Variants in SPATA17 observed in about 807,000 individuals in gnomAD.
SPATA17 encodes spermatogenesis associated 17.
A neutral mutation model predicts 62.2 loss-of-function variants in SPATA17; 53 were observed. The ratio of observed to expected loss-of-function variants is 0.85; its 90% CI spans 0.68 to 1.07. The LOEUF (loss-of-function observed/expected upper bound fraction) is 1.07. Ranked by LOEUF, SPATA17 falls within the 50% of genes least tolerant of loss-of-function variation. The pLI, the probability that SPATA17 is intolerant of heterozygous loss-of-function variation, is 0.00. For synonymous variants in SPATA17, 146 were observed against 146.8 expected, an observed-to-expected ratio of 0.99 and a Z score of 0.04; for missense variants, 466 against 425.5, an observed-to-expected ratio of 1.10 and a Z score of -0.84.
At chr1:217,827,165 C>G (rs575034801) in intron 9 of SPATA17, among the ~76,000 whole-genome samples, 7 of 151,942 alleles carry the variant, frequency 4.6e-5, no homozygotes, top group African/African-American at 1.7e-4. Context: ...GATTAATTTG[C>G]CCTTTATTAA....
chr1:217,642,893 G>A (rs1670097340), intron 1 of SPATA17, among the ~76,000 whole-genome samples: 1 of 152,206 alleles, frequency 6.6e-6, no homozygotes, highest in South Asian at 2.1e-4. Context: ...GTGTGAAAAC[G>A]GATGAATAAC....
intron 4 of SPATA17, among the ~76,000 whole-genome samples, chr1:217,671,693 G>A (rs1670835214): frequency 6.6e-6 from 1 of 152,098 alleles, no homozygotes; most frequent in Non-Finnish European, 1.5e-5. Flanking sequence ...TGGGAGAGAA[G>A]CATAGGGGTG....
intron 3 of SPATA17, among the ~76,000 whole-genome samples, chr1:217,661,597 T>G (rs889501790): frequency 6.6e-6 from 1 of 152,138 alleles, no homozygotes; most frequent in Admixed American, 6.5e-5. Flanking sequence ...ATGACTGTTG[T>G]TTTTGTTTTT....
intron 1 of SPATA17, among the ~76,000 whole-genome samples, chr1:217,631,970 G>A (rs1016449502): frequency 6.6e-6 from 1 of 152,102 alleles, no homozygotes; most frequent in East Asian, 1.9e-4. Context: ...ATCACCTGAG[G>A]CCAGGAGTTC....
At chr1:217,694,481 A>G (rs1414564579) in intron 5 of SPATA17, among the ~76,000 whole-genome samples, 5 of 138,940 alleles carry the variant, frequency 3.6e-5, no homozygotes, top group Non-Finnish European at 6.2e-5. Flanking sequence ...TGGAGAATTT[A>G]GTCCATTTAC....
chr1:217,842,465 C>A (rs900683747), intron 9 of SPATA17, among the ~76,000 whole-genome samples: 2 of 151,758 alleles, frequency 1.3e-5, no homozygotes, highest in African/African-American at 2.4e-5. Flanking sequence ...TAATTCAGTT[C>A]TTTTAATACA....
chr1:217,757,692 T>C (rs1485643099), intron 6 of SPATA17, among the ~76,000 whole-genome samples: 2 of 152,124 alleles, frequency 1.3e-5, no homozygotes, highest in Non-Finnish European at 2.9e-5. Context: ...CTTGTACATG[T>C]TCGTCAGAGC....
chr1:217,664,868 G>C (rs758341037), intron 3 of SPATA17, among the ~76,000 whole-genome samples: 2 of 152,044 alleles, frequency 1.3e-5, no homozygotes, highest in East Asian at 3.9e-4. Flanking sequence ...GGGAAGAAAA[G>C]GTAGTTTCTC....
intron 8 of SPATA17, among the ~76,000 whole-genome samples, chr1:217,794,847 T>G (rs992130709): frequency 1.3e-5 from 2 of 152,200 alleles, no homozygotes; most frequent in African/African-American, 4.8e-5. Context: ...AAACAGTAAG[T>G]GCTAAGAGGT....
At chr1:217,817,883 A>G (rs1674762407) in intron 9 of SPATA17, among the ~76,000 whole-genome samples, 1 of 151,938 alleles carries the variant, frequency 6.6e-6, no homozygotes, top group Non-Finnish European at 1.5e-5. Context: ...AGCATTTTGT[A>G]TTACTGAACT....
chr1:217,801,575 A>G (rs1674313054), intron 8 of SPATA17, 143 bp from the exon 9 acceptor site: 1 of 553,420 alleles, frequency 1.8e-6, no homozygotes. Context: ...AATCAGTGGC[A>G]GAGGTTGAAA....
At chr1:217,734,463 GAAT>G (rs1672466143) in intron 5 of SPATA17, among the ~76,000 whole-genome samples, 1 of 152,088 alleles carries the variant, frequency 6.6e-6, no homozygotes, top group Non-Finnish European at 1.5e-5. Flanking sequence ...TCAGCCTCCG[GAAT>G]AGCTGGTATT....
intron 1 of SPATA17, among the ~76,000 whole-genome samples, chr1:217,643,234 A>G (rs1380172732): frequency 6.6e-6 from 1 of 151,966 alleles, no homozygotes; most frequent in East Asian, 1.9e-4. Flanking sequence ...TAGAATATTT[A>G]CTTATCTGAT....
intron 5 of SPATA17, among the ~76,000 whole-genome samples, chr1:217,706,950 T>C (rs1671751391): frequency 6.6e-6 from 1 of 151,754 alleles, no homozygotes; most frequent in Admixed American, 6.6e-5. Flanking sequence ...CACTGCAAAC[T>C]CCGCCTCCCG....
intron 3 of SPATA17, among the ~76,000 whole-genome samples, chr1:217,667,129 C>T (rs1234961600): frequency 6.7e-6 from 1 of 148,416 alleles, no homozygotes; most frequent in African/African-American, 2.5e-5. Context: ...CTCACTGCAA[C>T]CTCCGCCTCC....
At chr1:217,794,369 A>G (rs189079628) in intron 8 of SPATA17, among the ~76,000 whole-genome samples, 44 of 152,248 alleles carry the variant, frequency 2.9e-4, no homozygotes, top group African/African-American at 1.1e-3. Flanking sequence ...AGAATAACTA[A>G]TGGTGATTTG....
intron 8 of SPATA17, among the ~76,000 whole-genome samples, chr1:217,796,240 G>GT (rs2102984942): frequency 6.6e-6 from 1 of 152,148 alleles, no homozygotes; most frequent in East Asian, 1.9e-4. Flanking sequence ...TTTAACTTTA[G>GT]TATCTTTTAG....
At chr1:217,720,724 A>G (rs1672107561) in intron 5 of SPATA17, among the ~76,000 whole-genome samples, 2 of 152,220 alleles carry the variant, frequency 1.3e-5, no homozygotes, top group East Asian at 3.8e-4. Flanking sequence ...TGTATATTAT[A>G]AGAGAGAAAT....
At chr1:217,696,724 A>T (rs997642622) in intron 5 of SPATA17, among the ~76,000 whole-genome samples, 2 of 152,100 alleles carry the variant, frequency 1.3e-5, no homozygotes, top group Non-Finnish European at 2.9e-5. Flanking sequence ...AAACATTTTG[A>T]GTTCACAGTA....
Sources: allele counts gnomAD v4.1 joint callset (sites outside exome capture counted in the v4.1 genomes callset), GRCh38; gene constraint gnomAD v4.1.1; transcripts MANE v1.5; gene names NCBI Gene and HGNC (gene_info 2026-07-23, HGNC 2026-07-21).